HECW1: variants seen among roughly 807,000 people sequenced by gnomAD.
HECW1 encodes the protein HECT, C2 and WW domain containing E3 ubiquitin protein ligase 1, also known as E3 ubiquitin-protein ligase HECW1.
In HECW1, 61 loss-of-function variants were observed where a neutral mutation model predicts 182.3. The ratio of observed to expected loss-of-function variants is 0.33; its 90% confidence interval spans 0.27 to 0.41. The LOEUF (loss-of-function observed/expected upper bound fraction) is 0.41. HECW1 is among the 10% of genes least tolerant of loss of function. The pLI is 1.00. For missense variants in HECW1, 1,739 were observed against 2,108.9 expected, an observed-to-expected ratio of 0.82 and a Z score of 3.44; for synonymous variants, 859 against 832.6, an observed-to-expected ratio of 1.03 and a Z score of -0.55.
chr7:43,243,960 A>G lies in HECW1; in HGVS notation c.27+28A>G, dbSNP rs1474726806. ...CAGTGTGCTTTTCTGATTATAAGAAACCATCCATGTCATTCCATTATAAAC... is the reference window on the plus strand; with the variant it reads ...CAGTGTGCTTTTCTGATTATAAGAAGCCATCCATGTCATTCCATTATAAAC... On this transcript the variant is annotated intron_variant, in intron 3 of 29. Coordinates refer to ENST00000395891, the MANE Select transcript of HECW1 (RefSeq NM_015052.5). The surrounding 1 kb of genome is among the most constrained non-coding windows in gnomAD (Gnocchi z 4.0). 9.0e-6 allele frequency: 14 copies of G among 1,561,206 alleles called. No individual in the cohort carries two copies. Among genetic ancestry groups the G allele is most frequent in the Non-Finnish European group, 1.1e-5 (13 of 1,132,050 alleles).
rs1359689681 is a variant in HECW1, at chr7:43,562,117, T to G, written c.*191T>G. 1.8e-6 allele frequency: 1 copy of G among 560,364 alleles called. No individual in the cohort carries two copies. Among genetic ancestry groups the G allele is most frequent in the African/African-American group, 1.9e-5 (1 of 52,834 alleles). The allele number at this position is 560,364 out of a possible 1,614,324, so 34.7% of individuals were successfully genotyped here. On this transcript the variant is annotated 3_prime_UTR_variant, in exon 30 of 30. Coordinates refer to ENST00000395891, the MANE Select transcript of HECW1 (RefSeq NM_015052.5). ...TTCTTCTAAGATCTAACCTTCAGGC[T>G]TCTCTCCTCTGTTTTCAATGAACTG...
intron 3 of HECW1, among the ~76,000 whole-genome samples, chr7:43,250,507 C>T (rs969612013): frequency 6.6e-6 from 1 of 152,166 alleles, no homozygotes; most frequent in African/African-American, 2.4e-5. Flanking sequence ...GAAGAACCCA[C>T]ACAAGTGTAG....
intron 3 of HECW1, among the ~76,000 whole-genome samples, chr7:43,267,614 A>G (rs1801941122): frequency 6.6e-6 from 1 of 152,026 alleles, no homozygotes. Context: ...TTAATAAACT[A>G]TAAACAAAAT....
chr7:43,518,888 C>T (rs1051627439), intron 24 of HECW1, among the ~76,000 whole-genome samples: 11 of 152,100 alleles, frequency 7.2e-5, no homozygotes, highest in African/African-American at 2.4e-4. Flanking sequence ...TAAAAGGATG[C>T]TTTCATGCAT....
At chr7:43,389,085 GC>G (rs2074916084) in intron 6 of HECW1, among the ~76,000 whole-genome samples, 1 of 152,196 alleles carries the variant, frequency 6.6e-6, no homozygotes, top group African/African-American at 2.4e-5. Context: ...AGCCTGTGTG[GC>G]CAAGGGGTCG....
chr7:43,533,617 A>G (rs2081071104), intron 24 of HECW1, among the ~76,000 whole-genome samples: 1 of 143,108 alleles, frequency 7.0e-6, no homozygotes, highest in African/African-American at 2.5e-5. Flanking sequence ...AGAAGATGCC[A>G]TAGTGGTTAG....
At chr7:43,113,671 A>AGGGGGGGGGGT in intron 1 of HECW1, 2 of 118,188 alleles carry the variant, frequency 1.7e-5, no homozygotes, top group Non-Finnish European at 3.4e-5. Context: ...CGGGGCGGGG[A>AGGGGGGGGGGT]GGGGGGGGGA....
At position 43,450,829 on chromosome 7, in the gene HECW1, T is replaced by C; in HGVS notation, c.2400T>C (p.Gly800=). The C allele has an allele frequency of 1.3e-6, 2 of 1,594,324 alleles. No homozygotes were observed. The highest frequency in any genetic ancestry group is 1.7e-6 in the Non-Finnish European group (2 of 1,162,168). ...ATGTATTGACTATCTTGTCCGTAGG[T>C]GAATGTCCTATACTCCATAATTCCC... ...PVAGPSNRRE[G]ECPILHNSQP... Residue 800 remains glycine (G), a splice_region_variant and synonymous_variant, in exon 12 of 30, where the codon GGT becomes GGC. Transcript: ENST00000395891.
At chr7:43,318,456 A>C (rs1809620453) in intron 4 of HECW1, among the ~76,000 whole-genome samples, 1 of 152,220 alleles carries the variant, frequency 6.6e-6, no homozygotes, top group Admixed American at 6.5e-5. Context: ...GGATACAAAC[A>C]GTTCTTATCG....
Position 43,444,832 on chromosome 7 carries a change from G to A in HECW1, c.1660G>A (p.Glu554Lys), listed in dbSNP as rs765678377. 5 of 1,613,834 alleles carry A rather than the reference G, an allele frequency of 3.1e-6. No individual in the cohort carries two copies. The highest frequency in any genetic ancestry group is 1.7e-5 in the Admixed American group (1 of 60,028). The change falls in exon 11 of 30, where the codon GAG becomes AAG. Residue 554 changes from glutamate (E) to lysine (K), a missense_variant. Coordinates refer to ENST00000395891, the MANE Select transcript of HECW1 (RefSeq NM_015052.5). The surrounding 1 kb of genome is among the most constrained non-coding windows in gnomAD (Gnocchi z 4.3). ...GATCGCGTCAGCCTGCGGGGACCCC[G>A]AGACCCCGCGGACACACTACATCCG... ...TVIASACGDP[E>K]TPRTHYIRIH...
At chr7:43,221,489 A>G (rs1235735862) in intron 2 of HECW1, among the ~76,000 whole-genome samples, 1 of 145,318 alleles carries the variant, frequency 6.9e-6, no homozygotes, top group South Asian at 2.2e-4. Flanking sequence ...AGCCTTGTGC[A>G]CTAAGTGCTC....
At chr7:43,524,789 C>G (rs527905774) in intron 24 of HECW1, among the ~76,000 whole-genome samples, 2 of 152,112 alleles carry the variant, frequency 1.3e-5, no homozygotes, top group African/African-American at 4.8e-5. Context: ...CTAGCTCTCC[C>G]GTGTGCTTGT....
chr7:43,298,555 G>A (rs1806324935), intron 3 of HECW1, among the ~76,000 whole-genome samples: 1 of 152,236 alleles, frequency 6.6e-6, no homozygotes, highest in South Asian at 2.1e-4. Flanking sequence ...CGATGGCAAT[G>A]AGACCTGTCC....
chr7:43,469,165 A>G, intron 16 of HECW1, 60 bp downstream of exon 16: 4 of 1,544,370 alleles, frequency 2.6e-6, no homozygotes, highest in Non-Finnish European at 3.6e-6. Flanking sequence ...GGGTGAAGCT[A>G]GCAAGGGCGT....
chr7:43,223,174 T>C (rs1251963764), intron 2 of HECW1, among the ~76,000 whole-genome samples: 2 of 152,226 alleles, frequency 1.3e-5, no homozygotes, highest in African/African-American at 2.4e-5. Context: ...TTTGCTTTTA[T>C]CATCAAGATA....
chr7:43,378,235 A>T (rs1584694758), intron 6 of HECW1, among the ~76,000 whole-genome samples: 1 of 152,298 alleles, frequency 6.6e-6, no homozygotes, highest in East Asian at 1.9e-4. Context: ...GAAATTTCTA[A>T]GTCTCTTTAG....
At chr7:43,223,789 C>T (rs1014509306) in intron 2 of HECW1, among the ~76,000 whole-genome samples, 6 of 152,140 alleles carry the variant, frequency 3.9e-5, no homozygotes, top group African/African-American at 7.2e-5. Flanking sequence ...GCTGGGTCTC[C>T]GCTCTGGCCA....
intron 3 of HECW1, among the ~76,000 whole-genome samples, chr7:43,245,193 G>A (rs929224520): frequency 2.5e-4 from 38 of 152,134 alleles, no homozygotes; most frequent in African/African-American, 8.9e-4. Flanking sequence ...CTTGGTGTGC[G>A]CTCAGGAGCC....
At chr7:43,408,270 A>G (rs913312633) in intron 8 of HECW1, among the ~76,000 whole-genome samples, 2 of 152,110 alleles carry the variant, frequency 1.3e-5, no homozygotes, top group African/African-American at 4.8e-5. Context: ...ATGATTTGCA[A>G]AGGGCTGGGC....
Sources: allele counts gnomAD v4.1 joint callset (sites outside exome capture counted in the v4.1 genomes callset), GRCh38; gene constraint gnomAD v4.1.1; non-coding constraint Gnocchi (gnomAD v3.1); transcripts MANE v1.5; gene names NCBI Gene and HGNC (gene_info 2026-07-23, HGNC 2026-07-21).